Variants in LRP2 observed in about 807,000 individuals in gnomAD.
LRP2 encodes low-density lipoprotein receptor-related protein 2.
Under a neutral mutation model 531.0 loss-of-function variants are expected in LRP2, and 172 were observed. The observed-to-expected ratio is 0.32, with a 90% CI of 0.29 to 0.37. The LOEUF is 0.37. Among genes scored for constraint, LRP2 ranks in the 10% least tolerant of loss-of-function variants. The pLI is 1.00. For synonymous variants in LRP2, 1,992 were observed against 2,027.6 expected, an observed-to-expected ratio of 0.98 and a Z score of 0.47; for missense variants, 5,167 against 5,868.3, an observed-to-expected ratio of 0.88 and a Z score of 3.90.
chr2:169,295,901 C>G (rs551686513), intron 4 of LRP2, among the ~76,000 whole-genome samples: 11 of 152,224 alleles, frequency 7.2e-5, no homozygotes, highest in African/African-American at 2.6e-4. Context: ...TAGTGATTAT[C>G]AGGTCATCTT....
intron 17 of LRP2, among the ~76,000 whole-genome samples, chr2:169,258,460 A>G (rs976972645): frequency 2.0e-5 from 3 of 152,060 alleles, no homozygotes; most frequent in Non-Finnish European, 4.4e-5. Context: ...CATAGCTCAG[A>G]TTTGTTCTAA....
intron 65 of LRP2, among the ~76,000 whole-genome samples, chr2:169,155,748 T>C (rs1686305925): frequency 1.3e-5 from 2 of 152,210 alleles, no homozygotes; most frequent in Non-Finnish European, 2.9e-5. Context: ...ATTGAAGTTA[T>C]GACTGTGCCA....
At chr2:169,168,993 T>C (rs948411721) in intron 60 of LRP2, among the ~76,000 whole-genome samples, 1 of 152,216 alleles carries the variant, frequency 6.6e-6, no homozygotes, top group Non-Finnish European at 1.5e-5. Flanking sequence ...TCATCAACGA[T>C]AACCATCATG....
intron 4 of LRP2, among the ~76,000 whole-genome samples, chr2:169,306,662 T>C (rs893266006): frequency 6.6e-6 from 1 of 152,104 alleles, no homozygotes; most frequent in African/African-American, 2.4e-5. Flanking sequence ...CACTTCTATA[T>C]AAGCCTCGAA....
chr2:169,128,880 C>T, intron 78 of LRP2, 50 bp from the exon 79 acceptor site: 1 of 1,605,236 alleles, frequency 6.2e-7, no homozygotes, highest in Non-Finnish European at 8.5e-7. Flanking sequence ...CCAAGGTCAC[C>T]ATACACGGTT....
intron 35 of LRP2, among the ~76,000 whole-genome samples, 192 bp downstream of exon 35, chr2:169,216,061 A>T (rs1177023696): frequency 6.6e-6 from 1 of 152,080 alleles, no homozygotes; most frequent in African/African-American, 2.4e-5. Flanking sequence ...TGCACATACT[A>T]TAAAGAACTG....
rs1318253127 is a variant in LRP2, at chr2:169,282,797, T to C, written c.1171+76A>G. ...ACAACAAAAATGCTGATAATTCTGT[T>C]GTCATCAGAAGGAAGGAAAGAAGCT... On this transcript the variant is annotated intron_variant, in intron 10 of 78. Transcript: ENST00000649046. 5 of 1,484,286 alleles carry C rather than the reference T, an allele frequency of 3.4e-6. No homozygotes were observed. In the Admixed American group the frequency reaches 8.4e-5, roughly 25 times the overall value. 91.9% of individuals were successfully genotyped at this position (1,484,286 alleles called of 1,614,324 possible). A position where few individuals can be genotyped will look rare whatever the true frequency, so the allele number is the denominator to read the frequency against.
chr2:169,184,004 C>G (rs1687535706), intron 50 of LRP2, among the ~76,000 whole-genome samples: 1 of 152,034 alleles, frequency 6.6e-6, no homozygotes, highest in Admixed American at 6.6e-5. Context: ...TTACCCTACC[C>G]TCACCCAGAC....
At chr2:169,175,117 G>T in intron 55 of LRP2, 76 bp downstream of exon 55, 1 of 1,449,280 alleles carries the variant, frequency 6.9e-7, no homozygotes, top group Non-Finnish European at 9.7e-7. Flanking sequence ...TGATATTCAG[G>T]AAATACCCAC....
chr2:169,215,594 A>G (rs910759574), intron 35 of LRP2, among the ~76,000 whole-genome samples: 1 of 151,500 alleles, frequency 6.6e-6, no homozygotes, highest in African/African-American at 2.4e-5. Context: ...AAATAAATAG[A>G]TACATACATA....
In LRP2 at chr2:169,275,222, C is replaced by T; in HGVS notation, c.1789G>A (p.Gly597Arg). 6.2e-7 allele frequency: 1 copy of T among 1,613,388 alleles called. No homozygotes were observed. Among genetic ancestry groups the T allele is most frequent in the South Asian group, 1.1e-5 (1 of 91,066 alleles). The change falls in exon 14 of 79, where the codon GGA becomes AGA. Residue 597 changes from glycine (G) to arginine (R), a missense_variant. Coordinates refer to ENST00000649046, the MANE Select transcript of LRP2 (RefSeq NM_004525.3). ...AAGGGATGAGGAATGAGGGAGCCTC[C>T]ATGAACTACAGTCTTCCTGTTATAA... ...DGIQRKTVVH[G>R]GSLIPHPFGV... is the part of the protein sequence containing the mutation.
In LRP2 at chr2:169,222,237, T is replaced by A. The variant is rs553250132; in HGVS notation, c.5539-1674A>T. Among the ~76,000 whole-genome samples, 3 of 152,282 alleles carry A rather than the reference T, an allele frequency of 2.0e-5. No individual in the cohort carries two copies. The East Asian group carries it at 5.8e-4, about 29-fold the overall frequency. ...TTATTCTCACAGGTCTTTCATGGAT[T>A]TTCTAAAAATATTGATCATTTGAGG... On this transcript the variant is annotated intron_variant, in intron 33 of 78. Coordinates refer to ENST00000649046, the MANE Select transcript of LRP2 (RefSeq NM_004525.3).
chr2:169,297,448 C>T (rs894337906), intron 4 of LRP2, among the ~76,000 whole-genome samples: 9 of 152,126 alleles, frequency 5.9e-5, no homozygotes, highest in African/African-American at 2.2e-4. Flanking sequence ...GAAACTCTTC[C>T]TTCTGAATTT....
At chr2:169,327,204 G>A (rs1251704141) in intron 1 of LRP2, among the ~76,000 whole-genome samples, 114 of 124,746 alleles carry the variant, frequency 9.1e-4, no homozygotes, top group South Asian at 2.1e-3. Context: ...CCCCCCGCCT[G>A]GCCAGCCGCC....
chr2:169,221,028 A>G (rs1688973714), intron 33 of LRP2, among the ~76,000 whole-genome samples: 2 of 152,308 alleles, frequency 1.3e-5, no homozygotes, highest in South Asian at 2.1e-4. Flanking sequence ...TCAGAGGTAC[A>G]GTGAATTCTG....
intron 43 of LRP2, 137 bp from the exon 44 acceptor site, chr2:169,202,007 C>T: frequency 9.6e-7 from 1 of 1,041,374 alleles, no homozygotes; most frequent in Non-Finnish European, 1.4e-6. Context: ...GGACTGCATG[C>T]AAAGTGAGAT....
chr2:169,244,670 A>G (rs1214823145), intron 22 of LRP2, 23 bp downstream of exon 22: 1 of 1,614,228 alleles, frequency 6.2e-7, no homozygotes, highest in East Asian at 2.2e-5. Flanking sequence ...TGACCAACCA[A>G]GGGAAACCAG....
rs575646664 is a variant in LRP2, at chr2:169,339,293, A to G, written c.80-18409T>C. Among the ~76,000 whole-genome samples the G allele has an allele frequency of 2.0e-3, 312 of 152,260 alleles. 1 individual carries two copies. Among genetic ancestry groups the G allele is most frequent in the African/African-American group, 7.1e-3 (296 of 41,554 alleles). ...TTTATTATTACTTTTATTTTACATT[A>G]TTACTTCTCTTCCCAACTAAATCTT... On this transcript the variant is annotated intron_variant, in intron 1 of 78. Transcript: ENST00000649046.
chr2:169,203,370 G>C (rs1197526528), intron 42 of LRP2, among the ~76,000 whole-genome samples: 1 of 152,186 alleles, frequency 6.6e-6, no homozygotes, highest in African/African-American at 2.4e-5. Flanking sequence ...CCTTTTATAA[G>C]GAAGGCCAGC....
Sources: allele counts gnomAD v4.1 joint callset (sites outside exome capture counted in the v4.1 genomes callset), GRCh38; gene constraint gnomAD v4.1.1; transcripts MANE v1.5; gene names NCBI Gene and HGNC (gene_info 2026-07-23, HGNC 2026-07-21).